Variants in MYO19 observed in about 807,000 individuals in gnomAD.
The protein encoded by MYO19 is unconventional myosin-XIX.
A neutral mutation model predicts 129.2 loss-of-function variants in MYO19; 132 were observed. The observed-to-expected ratio is 1.02, with a 90% CI of 0.89 to 1.18. The LOEUF (loss-of-function observed/expected upper bound fraction) is 1.18. Among genes scored for constraint, MYO19 ranks in the 50% most tolerant of loss-of-function variants. The pLI is 0.00. For synonymous variants in MYO19, 531 were observed against 477.2 expected (o/e 1.11, Z -1.47); for missense variants, 1,210 against 1,216.7 (o/e 0.99, Z 0.08).
Position 36,510,909 on chromosome 17 carries a change from T to C in MYO19, c.994A>G (p.Arg332Gly), listed in dbSNP as rs554622944. 17 of 1,573,888 alleles carry C rather than the reference T, an allele frequency of 1.1e-5. No homozygotes were observed. In the South Asian group the frequency reaches 1.5e-4, roughly 14 times the overall value. Residue 332 changes from arginine (R) to glycine (G), a missense_variant, in exon 13 of 26, where the codon AGG becomes GGG. Physicochemically the swap from Arg to Gly is moderately radical, Grantham distance 125. Coordinates refer to ENST00000614623, the MANE Select transcript of MYO19 (RefSeq NM_001163735.2). Reference sequence around the variant, plus strand: ...AGCCCCAGCAGCGAGGCTGCCGTCCTGACAGAGTCTGGGAGGGGCAAATCC... The same window carrying C: ...AGCCCCAGCAGCGAGGCTGCCGTCCCGACAGAGTCTGGGAGGGGCAAATCC... ...QPMDDAKYSV[R>G]TAASLLGLPE...
Position 36,532,510 on chromosome 17 carries a change from T to C in MYO19, c.12+17A>G. Reference sequence around the variant, plus strand: ...CAGGTGCTTGAGGGCCTGGGTTATCTAAGGTTGAGGTTTTACCTGCTGGAG... The same window carrying C: ...CAGGTGCTTGAGGGCCTGGGTTATCCAAGGTTGAGGTTTTACCTGCTGGAG... On this transcript the variant is annotated intron_variant, in intron 3 of 25. Coordinates refer to ENST00000614623, the MANE Select transcript of MYO19 (RefSeq NM_001163735.2). 5 of 1,554,448 alleles carry C rather than the reference T, an allele frequency of 3.2e-6. No individual in the cohort carries two copies. The highest frequency in any genetic ancestry group is 3.5e-6 in the Non-Finnish European group (4 of 1,148,496).
chr17:36,514,582 C>A, intron 8 of MYO19, 34 bp from the exon 9 acceptor site: 1 of 1,383,606 alleles, frequency 7.2e-7, no homozygotes, highest in Non-Finnish European at 1.0e-6. Flanking sequence ...CCGTTAGTTG[C>A]CCATTCATTC....
rs754418228 is a variant in MYO19 at position 36,510,726 on chromosome 17, G to A, written c.1157+20C>T. ...ACTTGTCGGGGTCCTCCCCAACAAG[G>A]GGCCAGAGTAACTGCTCACCGCGCA... On this transcript the variant is annotated intron_variant, in intron 13 of 25. Transcript: ENST00000614623. 2 of 1,576,796 alleles carry A rather than the reference G, an allele frequency of 1.3e-6. No homozygotes were observed. The highest frequency in any genetic ancestry group is 1.7e-6 in the Non-Finnish European group (2 of 1,156,390).
chr17:36,538,010 C>T (rs199843214), upstream of MYO19: 196 of 1,613,748 alleles, frequency 1.2e-4, no homozygotes, highest in Non-Finnish European at 1.5e-4. Flanking sequence ...ATGCCAACCG[C>T]GAAGGAATAA....
chr17:36,509,136 C>G lies in MYO19; in HGVS notation c.1158-1G>C. ...CACTGATACCAGCCAGTCAAACAAC[C>G]TGTTGGGGGAAGAGAGTGGACTCTG... On this transcript the variant is annotated splice_acceptor_variant, in intron 13 of 25. Transcript: ENST00000614623. LOFTEE classifies it high-confidence loss of function. 1 of 1,613,698 alleles carries G rather than the reference C, an allele frequency of 6.2e-7. No homozygotes were observed. Among genetic ancestry groups the G allele is most frequent in the Non-Finnish European group, 8.5e-7 (1 of 1,179,778 alleles).
chr17:36,502,780 G>T, intron 21 of MYO19: 1 of 377,870 alleles, frequency 2.6e-6, no homozygotes, highest in Non-Finnish European at 4.8e-6. Flanking sequence ...AAGCCTCTAG[G>T]CCTTTGTTCA....
At chr17:36,519,797 C>T (rs1167244581) in intron 6 of MYO19, among the ~76,000 whole-genome samples, 1 of 152,068 alleles carries the variant, frequency 6.6e-6, no homozygotes, top group East Asian at 1.9e-4. Context: ...TTCTATTTGT[C>T]TTAAAGTCTT....
Position 36,509,141 on chromosome 17 carries a change from G to A in MYO19, c.1158-6C>T. ...ATACCAGCCAGTCAAACAACCTGTTGGGGGAAGAGAGTGGACTCTGGTAAG... is the reference window on the plus strand; with the variant it reads ...ATACCAGCCAGTCAAACAACCTGTTAGGGGAAGAGAGTGGACTCTGGTAAG... On this transcript the variant is annotated splice_polypyrimidine_tract_variant and splice_region_variant and intron_variant, in intron 13 of 25. Transcript: ENST00000614623. The A allele has an allele frequency of 6.2e-7, 1 of 1,613,522 alleles. No individual in the cohort carries two copies. Among genetic ancestry groups the A allele is most frequent in the Non-Finnish European group, 8.5e-7 (1 of 1,179,672 alleles).
At chr17:36,518,737 G>A (rs145982309) in intron 6 of MYO19, among the ~76,000 whole-genome samples, 2 of 150,870 alleles carry the variant, frequency 1.3e-5, no homozygotes, top group African/African-American at 4.9e-5. Context: ...AAGATCACAC[G>A]GAACAATTTA....
chr17:36,507,661 T>C, intron 15 of MYO19, 142 bp downstream of exon 15: 1 of 1,227,180 alleles, frequency 8.1e-7, no homozygotes. Context: ...GTACTCCATA[T>C]GTGCAATTAT....
intron 5 of MYO19, 55 bp downstream of exon 5, chr17:36,527,496 A>G: frequency 6.4e-7 from 1 of 1,572,144 alleles, no homozygotes; most frequent in South Asian, 1.2e-5. Flanking sequence ...AACTGCAAAG[A>G]GGTTTAGCGG....
chr17:36,513,828 A>G, intron 9 of MYO19, 103 bp from the exon 10 acceptor site: 1 of 988,804 alleles, frequency 1.0e-6, no homozygotes, highest in Non-Finnish European at 1.5e-6. Flanking sequence ...TGGTAGCAAC[A>G]TCACAAGGCT....
chr17:36,503,968 G>A lies in MYO19; in HGVS notation c.1958C>T (p.Ala653Val). ...CACTCACCGGATGGGGAAGCCAGCAGCACTGATATGGATGGTCTCCACGAG... is the reference window on the plus strand; with the variant it reads ...CACTCACCGGATGGGGAAGCCAGCAACACTGATATGGATGGTCTCCACGAG... Reference protein sequence around the residue: ...CGLVETIHISAAGFPIRVSHR... With the variant: ...CGLVETIHISVAGFPIRVSHR... The change falls in exon 20 of 26, where the codon GCT (alanine) becomes GTT (valine). Residue 653 changes from alanine (A) to valine (V), a missense_variant. Transcript: ENST00000614623. The A allele has an allele frequency of 2.5e-6, 4 of 1,592,848 alleles. No individual in the cohort carries two copies. The highest frequency in any genetic ancestry group is 2.6e-6 in the Non-Finnish European group (3 of 1,170,798).
chr17:36,497,468 C>G (rs1334929345), intron 25 of MYO19: 2 of 881,494 alleles, frequency 2.3e-6, no homozygotes, highest in Admixed American at 1.2e-4. Flanking sequence ...CCTCACAACC[C>G]AAGTTGTGAT....
upstream of MYO19, among the ~76,000 whole-genome samples, chr17:36,544,556 A>T (rs1316157032): frequency 6.6e-6 from 1 of 152,020 alleles, no homozygotes; most frequent in Non-Finnish European, 1.5e-5. Flanking sequence ...GACGGGCTTG[A>T]CTCGCTGAAA....
At chr17:36,501,956 G>A (rs1409561529) in intron 21 of MYO19, 1 of 152,626 alleles carries the variant, frequency 6.6e-6, no homozygotes, top group South Asian at 2.1e-4. Flanking sequence ...CCAGGGGCCA[G>A]AAGGGCTATG....
chr17:36,495,819 T>TAA lies in MYO19; in HGVS notation c.*430_*431dup, dbSNP rs1401433508. 2 of 1,242,024 alleles carry TAA rather than the reference T, an allele frequency of 1.6e-6. No homozygotes were observed. The highest frequency in any genetic ancestry group is 3.1e-5 in the East Asian group (1 of 32,404). 76.9% of individuals were successfully genotyped at this position (1,242,024 alleles called of 1,614,324 possible). On this transcript the variant is annotated 3_prime_UTR_variant, in exon 26 of 26. Coordinates refer to ENST00000614623, the MANE Select transcript of MYO19 (RefSeq NM_001163735.2). ...TTAAATAAATCAACTAATTAAATAC[T>TAA]AAAGTTTTGTTCCTTTTTAAAGGAA...
upstream of MYO19, chr17:36,535,423 G>A (rs1476963629): frequency 6.6e-6 from 1 of 152,282 alleles, no homozygotes; most frequent in East Asian, 1.9e-4. Context: ...GCCATGATGG[G>A]CGGAGACGCG....
At chr17:36,526,069 G>A (rs1442614338) in intron 5 of MYO19, among the ~76,000 whole-genome samples, 1 of 152,138 alleles carries the variant, frequency 6.6e-6, no homozygotes, top group Non-Finnish European at 1.5e-5. Flanking sequence ...CCCACAGCTT[G>A]CTGAGGGAGA....
Sources: allele counts gnomAD v4.1 joint callset (sites outside exome capture counted in the v4.1 genomes callset), GRCh38; gene constraint gnomAD v4.1.1; transcripts MANE v1.5; gene names NCBI Gene and HGNC (gene_info 2026-07-23, HGNC 2026-07-21).